Variants in NFIB observed in about 807,000 individuals in gnomAD.
The protein encoded by NFIB is nuclear factor I B, also known as nuclear factor 1 B-type.
Under a neutral mutation model 61.5 loss-of-function variants are expected in NFIB, and 11 were observed. The observed-to-expected ratio is 0.18, with a 90% confidence interval of 0.11 to 0.30. NFIB has a LOEUF of 0.30. Among genes scored for constraint, NFIB ranks in the 10% least tolerant of loss-of-function variants. The pLI, the probability that NFIB is intolerant of heterozygous loss-of-function variation, is 1.00. For synonymous variants in NFIB, 260 were observed against 216.5 expected, an observed-to-expected ratio of 1.20 and a Z score of -1.76; for missense variants, 471 against 608.9, an observed-to-expected ratio of 0.77 and a Z score of 2.38.
At chr9:14,314,435 A>G (rs2060445007), upstream of NFIB, 1 of 151,598 alleles carries the variant, frequency 6.6e-6, no homozygotes, top group East Asian at 2.0e-4. Flanking sequence ...GAAAAATTCC[A>G]AACGATAAAT....
chr9:14,528,194 TATTGCCAAG>T, the NFIB span, among the ~76,000 whole-genome samples: 1 of 152,176 alleles, frequency 6.6e-6, no homozygotes, highest in Non-Finnish European at 1.5e-5. Flanking sequence ...ATACTGATAT[TATTGCCAAG>T]TTGTTTAATT....
In NFIB at chr9:14,313,449, GAGAA is replaced by G. The variant is rs754045841; in HGVS notation, c.30+29_30+32del. The G allele has an allele frequency of 2.9e-5, 46 of 1,613,570 alleles. No homozygotes were observed. Among genetic ancestry groups the G allele is most frequent in the Middle Eastern group, 1.6e-4 (1 of 6,082 alleles). ...CAAAACAAAGGCATTTCGGGCCAGA[GAGAA>G]AGCTCGAGAAAGCGACCGAGACATG... On this transcript the variant is annotated intron_variant, in intron 1 of 10. Transcript: ENST00000380953. The surrounding 1 kb of genome is among the most constrained non-coding windows in gnomAD (Gnocchi z 4.5).
intron 2 of NFIB, among the ~76,000 whole-genome samples, chr9:14,246,672 A>G (rs2054966688): frequency 1.3e-5 from 2 of 152,210 alleles, no homozygotes; most frequent in Non-Finnish European, 2.9e-5. Context: ...TAACAGGCAA[A>G]TATTAGGAAA....
the NFIB span, among the ~76,000 whole-genome samples, chr9:14,473,718 T>G: frequency 6.6e-6 from 1 of 152,326 alleles, no homozygotes; most frequent in Admixed American, 6.5e-5. Flanking sequence ...ACACCTGAAC[T>G]CCAATAGTAT....
intron 2 of NFIB, among the ~76,000 whole-genome samples, chr9:14,215,381 T>C (rs1437785231): frequency 7.0e-6 from 1 of 142,754 alleles, no homozygotes; most frequent in African/African-American, 3.1e-5. Flanking sequence ...ACTAAGACTA[T>C]GTTAAGAAGA....
intron 1 of NFIB, among the ~76,000 whole-genome samples, chr9:14,360,932 G>A (rs1175562972): frequency 6.6e-6 from 1 of 152,058 alleles, no homozygotes; most frequent in African/African-American, 2.4e-5. Context: ...TAGTGTGGAA[G>A]AGCACTTTTC....
the NFIB span, among the ~76,000 whole-genome samples, chr9:14,444,588 T>C: frequency 6.6e-6 from 1 of 152,144 alleles, no homozygotes; most frequent in Non-Finnish European, 1.5e-5. Flanking sequence ...GATTAGATGT[T>C]GAAAGACTCA....
At chr9:14,445,870 TTTGA>T in the NFIB span, among the ~76,000 whole-genome samples, 12 of 152,328 alleles carry the variant, frequency 7.9e-5, 1 homozygote, top group Admixed American at 7.8e-4. Context: ...ATCTTTGATG[TTTGA>T]TTGGGGAACA....
At position 14,281,170 on chromosome 9, in the gene NFIB, G is replaced by A. The variant is rs959257870; in HGVS notation, c.562+25819C>T. Among the ~76,000 whole-genome samples the A allele has an allele frequency of 3.9e-5, 6 of 152,174 alleles. No homozygotes were observed. The East Asian group carries it at 1.2e-3, about 29-fold the overall frequency. On this transcript the variant is annotated intron_variant, in intron 2 of 10. Coordinates refer to ENST00000380953, the MANE Select transcript of NFIB (RefSeq NM_001190737.2). Reference sequence around the variant, plus strand: ...CATTCAAAAGATTAATCAAAGGCTTGACAGTTGTTAACAGTTCAACATGGT... The same window carrying A: ...CATTCAAAAGATTAATCAAAGGCTTAACAGTTGTTAACAGTTCAACATGGT...
At chr9:14,508,575 G>T in the NFIB span, among the ~76,000 whole-genome samples, 1 of 152,240 alleles carries the variant, frequency 6.6e-6, no homozygotes, top group Non-Finnish European at 1.5e-5. Flanking sequence ...GAACCACTGT[G>T]TCTTGTGTCC....
intron 3 of NFIB, among the ~76,000 whole-genome samples, chr9:14,178,300 T>A (rs1158505391): frequency 1.3e-5 from 2 of 152,090 alleles, no homozygotes; most frequent in Non-Finnish European, 2.9e-5. Flanking sequence ...CTTCTGAAAA[T>A]TTTTGACAAA....
chr9:14,211,023 G>C (rs1320759181), intron 2 of NFIB, among the ~76,000 whole-genome samples: 3 of 152,040 alleles, frequency 2.0e-5, no homozygotes, highest in Non-Finnish European at 2.9e-5. Flanking sequence ...TCTCTGTTTG[G>C]ACTGAAAGCC....
At chr9:14,460,289 G>A in the NFIB span, among the ~76,000 whole-genome samples, 1 of 151,388 alleles carries the variant, frequency 6.6e-6, no homozygotes, top group Non-Finnish European at 1.5e-5. Flanking sequence ...AACACCACAT[G>A]TTCTCACTCA....
intron 2 of NFIB, among the ~76,000 whole-genome samples, chr9:14,256,072 A>T (rs1273389910): frequency 6.6e-6 from 1 of 152,228 alleles, no homozygotes; most frequent in Non-Finnish European, 1.5e-5. Context: ...CCACAGGGCT[A>T]TTATGAGTAT....
At chr9:14,300,298 T>A (rs1233625118) in intron 2 of NFIB, 1 of 398,180 alleles carries the variant, frequency 2.5e-6, no homozygotes, top group African/African-American at 2.1e-5. Context: ...TAACCACTAG[T>A]CCTTGAGATT....
chr9:14,387,347 G>C (rs1262054711), intron 1 of NFIB, among the ~76,000 whole-genome samples: 1 of 152,194 alleles, frequency 6.6e-6, no homozygotes, highest in Admixed American at 6.5e-5. Flanking sequence ...ATGCAACCAT[G>C]AGCCTCACAT....
the NFIB span, among the ~76,000 whole-genome samples, chr9:14,447,719 T>C: frequency 6.6e-6 from 1 of 152,186 alleles, no homozygotes; most frequent in African/African-American, 2.4e-5. Flanking sequence ...TTCTTTGGGA[T>C]ACAGGCATGT....
intron 1 of NFIB, among the ~76,000 whole-genome samples, chr9:14,396,834 T>C (rs10481545): frequency 0.48 from 72,447 of 152,004 alleles, 17,874 homozygotes; most frequent in Admixed American, 0.6. Flanking sequence ...TCATTCTCTG[T>C]AGCTGAATCT....
chr9:14,241,947 A>C (rs1304641582), intron 2 of NFIB, among the ~76,000 whole-genome samples: 1 of 152,166 alleles, frequency 6.6e-6, no homozygotes, highest in Non-Finnish European at 1.5e-5. Context: ...AGAAATGGTC[A>C]TTTATAAATT....
Sources: gnomAD v4.1 joint callset for allele counts (sites outside exome capture counted in the v4.1 genomes callset) on GRCh38, gnomAD v4.1.1 for gene constraint, Gnocchi (gnomAD v3.1) non-coding constraint, MANE v1.5 for transcripts, NCBI Gene and HGNC (gene_info 2026-07-23, HGNC 2026-07-21) for gene names.